ADGRL4: variants seen among roughly 807,000 people sequenced by gnomAD.
ADGRL4 encodes EGF, latrophilin and seven transmembrane domain containing 1.
Under a neutral mutation model 74.8 loss-of-function variants are expected in ADGRL4, and 90 were observed. That is an observed-to-expected ratio of 1.20 (90% CI 1.02 to 1.43). The LOEUF (loss-of-function observed/expected upper bound fraction) is 1.43, where lower values mean the gene tolerates loss of function less well. Among genes scored for constraint, ADGRL4 ranks in the 40% most tolerant of loss-of-function variants. The pLI is 0.00. For synonymous variants in ADGRL4, 311 were observed against 279.2 expected, an observed-to-expected ratio of 1.11 and a Z score of -1.14; for missense variants, 881 against 814.3, an observed-to-expected ratio of 1.08 and a Z score of -1.00.
chr1:78,892,071 A>G (rs1405201908), intron 13 of ADGRL4, among the ~76,000 whole-genome samples: 2 of 152,010 alleles, frequency 1.3e-5, no homozygotes, highest in African/African-American at 4.8e-5. Context: ...TCTGTTAGGA[A>G]GTATTTTCCC....
chr1:78,955,442 A>G (rs1649808982), intron 2 of ADGRL4, among the ~76,000 whole-genome samples: 2 of 152,158 alleles, frequency 1.3e-5, no homozygotes, highest in South Asian at 4.1e-4. Context: ...GATTTTTTGT[A>G]ATCATGTCTT....
intron 2 of ADGRL4, among the ~76,000 whole-genome samples, chr1:78,980,767 G>C (rs1187976202): frequency 6.6e-6 from 1 of 151,922 alleles, no homozygotes; most frequent in Non-Finnish European, 1.5e-5. Context: ...ATCCCACAGA[G>C]ATGAGAAACT....
chr1:78,908,151 A>C (rs908394799), intron 12 of ADGRL4, among the ~76,000 whole-genome samples: 1 of 151,950 alleles, frequency 6.6e-6, no homozygotes, highest in Non-Finnish European at 1.5e-5. Flanking sequence ...TGTGTAGAAC[A>C]TGAGCTCTGC....
chr1:78,956,132 T>A (rs929805210), intron 2 of ADGRL4, among the ~76,000 whole-genome samples: 3 of 152,180 alleles, frequency 2.0e-5, no homozygotes, highest in African/African-American at 7.2e-5. Flanking sequence ...CATTAGTTAT[T>A]AGTTATTGCA....
intron 2 of ADGRL4, among the ~76,000 whole-genome samples, chr1:78,971,802 G>T (rs1650174966): frequency 6.6e-6 from 1 of 152,182 alleles, no homozygotes; most frequent in African/African-American, 2.4e-5. Flanking sequence ...TGTTGTCCAG[G>T]CTGGAGTGCA....
chr1:78,962,499 T>C (rs1337600613), intron 2 of ADGRL4, among the ~76,000 whole-genome samples: 1 of 152,076 alleles, frequency 6.6e-6, no homozygotes, highest in East Asian at 1.9e-4. Flanking sequence ...GATTTCCCCC[T>C]TCCTCCTGCC....
intron 12 of ADGRL4, among the ~76,000 whole-genome samples, chr1:78,907,735 G>A (rs1243905191): frequency 6.6e-6 from 1 of 151,940 alleles, no homozygotes; most frequent in African/African-American, 2.4e-5. Flanking sequence ...TTAGGGCAGA[G>A]GTGCTGAGAT....
intron 12 of ADGRL4, among the ~76,000 whole-genome samples, chr1:78,900,426 A>T (rs1440191064): frequency 6.6e-6 from 1 of 152,182 alleles, no homozygotes; most frequent in Non-Finnish European, 1.5e-5. Context: ...GAATTGTGGT[A>T]ATTCGTTATA....
At chr1:78,976,302 C>T (rs115528490) in intron 2 of ADGRL4, among the ~76,000 whole-genome samples, 93 of 152,038 alleles carry the variant, frequency 6.1e-4, no homozygotes, top group African/African-American at 2.1e-3. Context: ...ATATCTCTTG[C>T]TCATGTAGCA....
Position 78,921,699 on chromosome 1 carries a change from G to A in ADGRL4, c.1171C>T (p.Leu391=). Residue 391 remains leucine, a synonymous_variant, in exon 9 of 15, where the codon CTG becomes TTG. Coordinates refer to ENST00000370742, the MANE Select transcript of ADGRL4 (RefSeq NM_022159.4). ...NGSWSSEGCE[L]TYSNETHTSC... ...GTGTGGGTCTCATTTGAGTATGTCA[G>A]CTCACAGCCCTCTGAAGACCAGCTG... 1.9e-6 allele frequency: 3 copies of A among 1,603,746 alleles called. No homozygotes were observed. The highest frequency in any genetic ancestry group is 2.6e-6 in the Non-Finnish European group (3 of 1,175,036).
At chr1:78,920,700 A>G (rs1421685054) in intron 9 of ADGRL4, among the ~76,000 whole-genome samples, 1 of 151,848 alleles carries the variant, frequency 6.6e-6, no homozygotes, top group Non-Finnish European at 1.5e-5. Context: ...TAGAAAGGCA[A>G]TCGATTATTA....
intron 7 of ADGRL4, among the ~76,000 whole-genome samples, chr1:78,933,895 G>A (rs1354032459): frequency 1.3e-5 from 2 of 152,030 alleles, no homozygotes; most frequent in Non-Finnish European, 2.9e-5. Context: ...ACCTCTTCAA[G>A]GAGAAGTACA....
intron 2 of ADGRL4, among the ~76,000 whole-genome samples, chr1:78,988,993 T>C (rs1650551396): frequency 6.6e-6 from 1 of 151,870 alleles, no homozygotes; most frequent in African/African-American, 2.4e-5. Context: ...TCATATATAC[T>C]AAAATCTGTC....
Position 79,005,167 on chromosome 1 carries a change from T to TA in ADGRL4, c.74_75insT (p.Pro26ThrfsTer9). ...CACATTTTGCATTTGGGAGACAAGG[T>TA]GTCTTGGTGCAATTTTGAGTATAGG... is the stretch of plus-strand genomic sequence containing the variant. On this transcript the variant is annotated frameshift_variant, in exon 2 of 15. Transcript: ENST00000370742. LOFTEE classifies it high-confidence loss of function. The TA allele has an allele frequency of 6.2e-7, 1 of 1,613,712 alleles. No individual in the cohort carries two copies. Among genetic ancestry groups the TA allele is most frequent in the South Asian group, 1.1e-5 (1 of 91,048 alleles).
At chr1:78,922,434 A>G (rs1018019446) in intron 8 of ADGRL4, among the ~76,000 whole-genome samples, 2 of 152,010 alleles carry the variant, frequency 1.3e-5, no homozygotes, top group African/African-American at 4.8e-5. Context: ...ACAGTGAGTG[A>G]GGTAATGAAT....
chr1:78,938,065 C>A (rs189378914), intron 5 of ADGRL4, 35 bp downstream of exon 5: 2 of 1,605,054 alleles, frequency 1.2e-6, no homozygotes, highest in Admixed American at 1.7e-5. Context: ...AAATTCAAAG[C>A]TCAATTATAT....
intron 2 of ADGRL4, among the ~76,000 whole-genome samples, chr1:78,962,726 G>T (rs1649980201): frequency 6.6e-6 from 1 of 151,952 alleles, no homozygotes; most frequent in Non-Finnish European, 1.5e-5. Context: ...AAAGAATACA[G>T]AATTTAACTT....
At chr1:78,991,492 A>G (rs755668374) in intron 2 of ADGRL4, among the ~76,000 whole-genome samples, 13 of 152,072 alleles carry the variant, frequency 8.5e-5, no homozygotes, top group Non-Finnish European at 1.6e-4. Context: ...CTGACAATTT[A>G]GTACTTTCAC....
At chr1:78,990,540 G>A (rs1650586637) in intron 2 of ADGRL4, among the ~76,000 whole-genome samples, 1 of 151,754 alleles carries the variant, frequency 6.6e-6, no homozygotes, top group Non-Finnish European at 1.5e-5. Flanking sequence ...GCAACCATTT[G>A]ATTTTTTTCA....
Sources: allele counts gnomAD v4.1 joint callset (sites outside exome capture counted in the v4.1 genomes callset), GRCh38; gene constraint gnomAD v4.1.1; transcripts MANE v1.5; gene names NCBI Gene and HGNC (gene_info 2026-07-23, HGNC 2026-07-21).